Variants in MAP2K5 observed in about 807,000 individuals in gnomAD.
MAP2K5 encodes the protein dual specificity mitogen-activated protein kinase kinase 5.
In MAP2K5, 49 loss-of-function variants were observed where a neutral mutation model predicts 83.1. The ratio of observed to expected loss-of-function variants is 0.59; its 90% CI spans 0.47 to 0.75. MAP2K5 has a LOEUF of 0.75. MAP2K5 is among the 30% of genes least tolerant of loss of function. The pLI is 0.00. For synonymous variants in MAP2K5, 202 were observed against 191.8 expected, an observed-to-expected ratio of 1.05 and a Z score of -0.44; for missense variants, 457 against 557.5, an observed-to-expected ratio of 0.82 and a Z score of 1.82.
rs1567324868 is a variant in MAP2K5 at position 67,634,388 on chromosome 15, A to AT, written c.585+3461_585+3462insT. On this transcript the variant is annotated intron_variant, in intron 9 of 21. Transcript: ENST00000178640. ...ATCTCAAAAAAAAAAAAAAAAAAAAAAAAAAAAAAAAAAAAAAAAAAGAAT... is the reference window on the plus strand; with the variant it reads ...ATCTCAAAAAAAAAAAAAAAAAAAAATAAAAAAAAAAAAAAAAAAAAAGAAT... 5.4e-3 allele frequency among the ~76,000 whole-genome samples: 558 copies of AT among 103,904 alleles called. 2 individuals carry two copies. The highest frequency in any genetic ancestry group is 0.01 in the Non-Finnish European group (469 of 46,708). The allele number at this position is 103,904 out of a possible 152,430, so 68.2% of individuals were successfully genotyped here. A position where few individuals can be genotyped will look rare whatever the true frequency, so the allele number is the denominator to read the frequency against.
In MAP2K5 at chr15:67,641,484, A is replaced by C. The variant is rs1043800080; in HGVS notation, c.586-4747A>C. On this transcript the variant is annotated intron_variant, in intron 9 of 21. Transcript: ENST00000178640. ...CTCCAGCAAATAAACGAAGTCATCC[A>C]TGACAGCTTGTGATGAATTGCCGTA... 17 of 1,000,542 alleles carry C rather than the reference A, an allele frequency of 1.7e-5. No homozygotes were observed. In the African/African-American group the frequency reaches 3.0e-4, roughly 17 times the overall value. The allele number at this position is 1,000,542 out of a possible 1,614,324, so 62.0% of individuals were successfully genotyped here.
At chr15:67,733,087 G>A (rs971028608) in intron 17 of MAP2K5, among the ~76,000 whole-genome samples, 1 of 152,126 alleles carries the variant, frequency 6.6e-6, no homozygotes, top group African/African-American at 2.4e-5. Flanking sequence ...ATCCTGCCTT[G>A]TCATTGATTA....
In MAP2K5 at chr15:67,614,308, G is replaced by A. The variant is rs553388492; in HGVS notation, c.545+13559G>A. Among the ~76,000 whole-genome samples the A allele has an allele frequency of 2.0e-5, 3 of 152,236 alleles. No homozygotes were observed. The South Asian group carries it at 6.2e-4, about 32-fold the overall frequency. ...TGTAAAATGTTTTATAAACTATAAA[G>A]CACAATAGAATATTAATTATTAGAA... On this transcript the variant is annotated intron_variant, in intron 8 of 21. Coordinates refer to ENST00000178640, the MANE Select transcript of MAP2K5 (RefSeq NM_145160.3).
intron 5 of MAP2K5, among the ~76,000 whole-genome samples, 165 bp downstream of exon 5, chr15:67,586,095 A>G (rs914756501): frequency 2.6e-5 from 4 of 152,148 alleles, no homozygotes; most frequent in Non-Finnish European, 4.4e-5. Context: ...GTATTTGCTC[A>G]GTATGTGTAT....
intron 8 of MAP2K5, among the ~76,000 whole-genome samples, chr15:67,629,903 C>T (rs1422004222): frequency 6.6e-6 from 1 of 151,990 alleles, no homozygotes; most frequent in Non-Finnish European, 1.5e-5. Context: ...AAATAATGTT[C>T]AGAATATCTA....
Position 67,770,685 on chromosome 15 carries a change from G to A in MAP2K5, c.1196+1022G>A, listed in dbSNP as rs1372912421. ...GATTCTTGCTAACCAAAATCGTTGT[G>A]TGCCATCCCCTTCCCCTCCCACTAT... On this transcript the variant is annotated intron_variant, in intron 20 of 21. Coordinates refer to ENST00000178640, the MANE Select transcript of MAP2K5 (RefSeq NM_145160.3). This position sits in a 1 kb window ranked among gnomAD's most constrained non-coding sequence, Gnocchi z 5.0. Among the ~76,000 whole-genome samples, 1 of 152,090 alleles carries A rather than the reference G, an allele frequency of 6.6e-6. No homozygotes were observed.
Position 67,738,067 on chromosome 15 carries a change from G to T in MAP2K5, c.1074+10122G>T, listed in dbSNP as rs535917507. Reference sequence around the variant, plus strand: ...AGATTTCGCCATGTTGGCCAGGCTGGTCTCGAACTCCCGACCTCAGGTGAC... The same window carrying T: ...AGATTTCGCCATGTTGGCCAGGCTGTTCTCGAACTCCCGACCTCAGGTGAC... On this transcript the variant is annotated intron_variant, in intron 17 of 21. Transcript: ENST00000178640. This position sits in a 1 kb window ranked among gnomAD's most constrained non-coding sequence, Gnocchi z 4.1. Among the ~76,000 whole-genome samples, 3 of 152,016 alleles carry T rather than the reference G, an allele frequency of 2.0e-5. No homozygotes were observed. The highest frequency in any genetic ancestry group is 6.5e-5 in the Admixed American group (1 of 15,272).
chr15:67,585,701 TTA>T (rs2085273895), intron 4 of MAP2K5, 187 bp from the exon 5 acceptor site: 1 of 546,914 alleles, frequency 1.8e-6, no homozygotes, highest in Admixed American at 3.0e-5. Context: ...CTCTTTGCAT[TTA>T]TAAATGCTCA....
In MAP2K5 at chr15:67,777,646, T is replaced by TCTGTTCTAG. The variant is rs2090262950; in HGVS notation, c.1242+4901_1242+4909dup. On this transcript the variant is annotated intron_variant, in intron 21 of 21. Coordinates refer to ENST00000178640, the MANE Select transcript of MAP2K5 (RefSeq NM_145160.3). This position sits in a 1 kb window ranked among gnomAD's most constrained non-coding sequence, Gnocchi z 6.0. The stretch of plus-strand genomic sequence containing the variant: ...GAGTTTGATTTACTAATAGTTATTA[T>TCTGTTCTAG]CTGTTCTAGCTGTTCAGTGGCAGCG... Among the ~76,000 whole-genome samples, 2 of 152,350 alleles carry TCTGTTCTAG rather than the reference T, an allele frequency of 1.3e-5. No individual in the cohort carries two copies. The highest frequency in any genetic ancestry group is 4.1e-4 in the South Asian group (2 of 4,824).
At chr15:67,695,963 G>A (rs2088242039) in intron 15 of MAP2K5, among the ~76,000 whole-genome samples, 1 of 152,102 alleles carries the variant, frequency 6.6e-6, no homozygotes, top group Non-Finnish European at 1.5e-5. Flanking sequence ...GCTTGAGAGT[G>A]AGTGCTTTGC....
At chr15:67,788,251 T>G (rs1367560430) in intron 21 of MAP2K5, among the ~76,000 whole-genome samples, 1 of 152,052 alleles carries the variant, frequency 6.6e-6, no homozygotes, top group Non-Finnish European at 1.5e-5. Context: ...CCTTCTCCCC[T>G]TTTTTTTATA....
chr15:67,629,104 G>A, intron 8 of MAP2K5: 1 of 734,524 alleles, frequency 1.4e-6, no homozygotes, highest in Admixed American at 1.7e-5. Flanking sequence ...TCCAGTAGCA[G>A]CAGTAGCTAC....
intron 2 of MAP2K5, among the ~76,000 whole-genome samples, chr15:67,550,602 A>G (rs1270379013): frequency 6.6e-6 from 1 of 152,050 alleles, no homozygotes; most frequent in Non-Finnish European, 1.5e-5. Context: ...TGACCTGGGG[A>G]CTAGAAAACT....
At chr15:67,582,215 C>G (rs2085194378) in intron 4 of MAP2K5, among the ~76,000 whole-genome samples, 1 of 152,018 alleles carries the variant, frequency 6.6e-6, no homozygotes, top group Non-Finnish European at 1.5e-5. Context: ...GCTCGTGTCA[C>G]CACACCCAGC....
intron 3 of MAP2K5, among the ~76,000 whole-genome samples, chr15:67,578,937 T>C (rs1362808010): frequency 2.0e-5 from 3 of 152,216 alleles, no homozygotes; most frequent in Non-Finnish European, 4.4e-5. Context: ...ACTTGTTAGA[T>C]AAAGCATAAG....
At chr15:67,616,109 G>A (rs1380720281) in intron 8 of MAP2K5, among the ~76,000 whole-genome samples, 1 of 152,120 alleles carries the variant, frequency 6.6e-6, no homozygotes, top group African/African-American at 2.4e-5. Context: ...CTTCTAAGTT[G>A]AGGAAAGACT....
At chr15:67,602,977 A>G (rs1446676472) in intron 8 of MAP2K5, among the ~76,000 whole-genome samples, 1 of 152,204 alleles carries the variant, frequency 6.6e-6, no homozygotes, top group Non-Finnish European at 1.5e-5. Flanking sequence ...AAGAGGGAGT[A>G]TACAGAGAAG....
chr15:67,692,449 G>A, intron 13 of MAP2K5, 30 bp from the exon 14 acceptor site: 1 of 1,537,448 alleles, frequency 6.5e-7, no homozygotes, highest in Non-Finnish European at 9.0e-7. Flanking sequence ...CATGGAATTA[G>A]TTACATGGCC....
chr15:67,651,281 T>C (rs1596724316), intron 11 of MAP2K5, among the ~76,000 whole-genome samples: 1 of 152,380 alleles, frequency 6.6e-6, no homozygotes, highest in East Asian at 1.9e-4. Flanking sequence ...AGTACATGCA[T>C]AATAATATTT....
Sources: gnomAD v4.1 joint callset for allele counts (sites outside exome capture counted in the v4.1 genomes callset) on GRCh38, gnomAD v4.1.1 for gene constraint, Gnocchi (gnomAD v3.1) non-coding constraint, MANE v1.5 for transcripts, NCBI Gene and HGNC (gene_info 2026-07-23, HGNC 2026-07-21) for gene names.